Variants in ADGRV1 observed in about 807,000 individuals in gnomAD.
ADGRV1 encodes the protein adhesion G protein-coupled receptor V1, also known as G-protein coupled receptor 98.
In ADGRV1, 359 loss-of-function variants were observed where a neutral mutation model predicts 596.2. The observed-to-expected ratio is 0.60, with a 90% confidence interval of 0.55 to 0.66. The LOEUF is 0.66. Among genes scored for constraint, ADGRV1 ranks in the 30% least tolerant of loss-of-function variants. The pLI, the probability that ADGRV1 is intolerant of heterozygous loss-of-function variation, is 0.00. For missense variants in ADGRV1, 7,274 were observed against 7,575.6 expected (o/e 0.96, Z 1.48); for synonymous variants, 2,681 against 2,679.2 (o/e 1.00, Z -0.02).
At chr5:91,023,218 T>C (rs917019131) in intron 85 of ADGRV1, among the ~76,000 whole-genome samples, 2 of 152,170 alleles carry the variant, frequency 1.3e-5, no homozygotes, top group African/African-American at 4.8e-5. Flanking sequence ...AAAAACACTC[T>C]TGTGATTCAA....
chr5:90,866,034 A>G (rs574848399), intron 83 of ADGRV1, among the ~76,000 whole-genome samples: 1 of 152,272 alleles, frequency 6.6e-6, no homozygotes, highest in Admixed American at 6.5e-5. Context: ...AAGAGGGAAA[A>G]TTCTATAGCT....
At chr5:91,122,064 C>T (rs1341830476) in intron 87 of ADGRV1, among the ~76,000 whole-genome samples, 1 of 152,006 alleles carries the variant, frequency 6.6e-6, no homozygotes, top group Non-Finnish European at 1.5e-5. Context: ...TTTGGTGGCT[C>T]TGAAACAAGA....
intron 85 of ADGRV1, among the ~76,000 whole-genome samples, chr5:91,004,267 G>A (rs943923547): frequency 1.3e-5 from 2 of 152,108 alleles, no homozygotes; most frequent in African/African-American, 4.8e-5. Context: ...GAGAGAACCT[G>A]ATGAACTGAC....
intron 9 of ADGRV1, chr5:90,629,988 A>G (rs1765287055): frequency 6.5e-6 from 1 of 153,012 alleles, no homozygotes; most frequent in South Asian, 2.1e-4. Flanking sequence ...ACAAAGCAAT[A>G]TGAGATATAT....
intron 73 of ADGRV1, among the ~76,000 whole-genome samples, chr5:90,807,945 C>T (rs1762066015): frequency 6.6e-6 from 1 of 152,228 alleles, no homozygotes; most frequent in African/African-American, 2.4e-5. Context: ...GAGAGCTCCT[C>T]ATGCCCCACC....
intron 83 of ADGRV1, among the ~76,000 whole-genome samples, chr5:90,948,016 C>G (rs2150893258): frequency 6.6e-6 from 1 of 152,196 alleles, no homozygotes; most frequent in Admixed American, 6.5e-5. Flanking sequence ...CATTCATATC[C>G]TTTCCTTACA....
intron 83 of ADGRV1, among the ~76,000 whole-genome samples, chr5:90,942,141 G>C (rs1170717226): frequency 6.6e-6 from 1 of 152,140 alleles, no homozygotes; most frequent in Non-Finnish European, 1.5e-5. Context: ...ACCGTACATT[G>C]GCCAAATATT....
chr5:90,718,162 T>C (rs1750405483), intron 43 of ADGRV1: 1 of 152,222 alleles, frequency 6.6e-6, no homozygotes, highest in South Asian at 2.1e-4. Context: ...CTCTCCCTAG[T>C]AATCTCCAGT....
intron 83 of ADGRV1, among the ~76,000 whole-genome samples, chr5:90,894,806 G>A (rs940681186): frequency 2.0e-5 from 3 of 152,176 alleles, no homozygotes; most frequent in African/African-American, 7.2e-5. Flanking sequence ...GATTAAATGA[G>A]GAATGTCCAT....
chr5:90,610,595 C>T (rs1203403221), intron 1 of ADGRV1, among the ~76,000 whole-genome samples: 1 of 151,928 alleles, frequency 6.6e-6, no homozygotes, highest in Admixed American at 6.6e-5. Flanking sequence ...CAGAAGATAG[C>T]TAGCGTGGTG....
intron 70 of ADGRV1, among the ~76,000 whole-genome samples, chr5:90,797,287 CAAAA>C (rs780696194): frequency 1.8e-3 from 47 of 26,344 alleles, no homozygotes; most frequent in East Asian, 0.014. Flanking sequence ...AAATGAAAAG[CAAAA>C]AAAAAAAAAA....
At chr5:90,596,049 C>A (rs1195608854) in intron 1 of ADGRV1, among the ~76,000 whole-genome samples, 3 of 148,730 alleles carry the variant, frequency 2.0e-5, no homozygotes, top group Non-Finnish European at 4.5e-5. Context: ...GGCTGCCGGG[C>A]GGAGGGTCTC....
chr5:90,706,491 G>T (rs1217977440), intron 38 of ADGRV1, 97 bp downstream of exon 38: 8 of 1,066,708 alleles, frequency 7.5e-6, no homozygotes, highest in African/African-American at 1.6e-5. Flanking sequence ...ACAATGTGCA[G>T]GTTTGTTACA....
intron 58 of ADGRV1, 53 bp from the exon 59 acceptor site, chr5:90,763,252 C>T: frequency 7.7e-7 from 1 of 1,292,744 alleles, no homozygotes; most frequent in Non-Finnish European, 1.0e-6. Context: ...CTTGTTTATC[C>T]TGCTCTTTTT....
chr5:90,823,045 T>C (rs1763730130), intron 75 of ADGRV1, among the ~76,000 whole-genome samples: 1 of 152,170 alleles, frequency 6.6e-6, no homozygotes, highest in Non-Finnish European at 1.5e-5. Flanking sequence ...ATGATGGGGT[T>C]TTCTAAATAT....
intron 2 of ADGRV1, 67 bp downstream of exon 2, chr5:90,615,086 G>T: frequency 4.8e-6 from 5 of 1,034,636 alleles, no homozygotes; most frequent in East Asian, 2.8e-5. Flanking sequence ...TAATGGCAAG[G>T]ATTTTTTTTT....
chr5:90,802,347 C>T (rs1761463525), intron 70 of ADGRV1, among the ~76,000 whole-genome samples: 1 of 152,160 alleles, frequency 6.6e-6, no homozygotes, highest in South Asian at 2.1e-4. Context: ...TCCCAAGTAG[C>T]TGGGACCACA....
chr5:90,759,652 AAAGTGTC>A, intron 58 of ADGRV1, 64 bp downstream of exon 58: 3 of 1,431,770 alleles, frequency 2.1e-6, no homozygotes, highest in Non-Finnish European at 2.9e-6. Flanking sequence ...TTTTGAGTAG[AAAGTGTC>A]TCACATTTTT....
intron 85 of ADGRV1, among the ~76,000 whole-genome samples, chr5:91,034,370 C>T (rs1479322273): frequency 6.6e-6 from 1 of 152,006 alleles, no homozygotes; most frequent in Non-Finnish European, 1.5e-5. Flanking sequence ...ACAAAGTTTC[C>T]TTAAAATTTG....
Sources: gnomAD v4.1 joint callset for allele counts (sites outside exome capture counted in the v4.1 genomes callset) on GRCh38, gnomAD v4.1.1 for gene constraint, MANE v1.5 for transcripts, NCBI Gene and HGNC (gene_info 2026-07-23, HGNC 2026-07-21) for gene names.